WDR17: variants seen among roughly 807,000 people sequenced by gnomAD.
WDR17 encodes the protein WD repeat-containing protein 17.
Under a neutral mutation model 161.7 loss-of-function variants are expected in WDR17, and 143 were observed. The observed-to-expected ratio is 0.88, with a 90% CI of 0.77 to 1.02. The LOEUF is 1.02. Ranked by LOEUF, WDR17 falls within the 50% of genes least tolerant of loss-of-function variation. The pLI, the probability that WDR17 is intolerant of heterozygous loss-of-function variation, is 0.00. For synonymous variants in WDR17, 517 were observed against 515.6 expected (o/e 1.00, Z -0.04); for missense variants, 1,469 against 1,520.9 (o/e 0.97, Z 0.57).
rs995404149 is a variant in WDR17, at chr4:176,129,848, G to T, written c.913+988G>T. On this transcript the variant is annotated intron_variant, in intron 6 of 28. Coordinates refer to ENST00000508596, the MANE Select transcript of WDR17 (RefSeq NM_181265.4). ...GGACTAGAGAAGTAATATGCTGGAT[G>T]CTGGCTTACTGTTTAGGGATGTTGG... Among the ~76,000 whole-genome samples, 4 of 152,126 alleles carry T rather than the reference G, an allele frequency of 2.6e-5. No homozygotes were observed. The East Asian group carries it at 7.7e-4, about 29-fold the overall frequency.
intron 3 of WDR17, among the ~76,000 whole-genome samples, chr4:176,116,371 T>G (rs1441945311): frequency 6.6e-6 from 1 of 151,926 alleles, no homozygotes; most frequent in African/African-American, 2.4e-5. Context: ...TGCATATATT[T>G]GATGCATTGT....
At position 176,119,883 on chromosome 4, in the gene WDR17, T is replaced by G; in HGVS notation, c.324T>G (p.Leu108=). The G allele has an allele frequency of 6.2e-7, 1 of 1,614,114 alleles. No homozygotes were observed. Among genetic ancestry groups the G allele is most frequent in the East Asian group, 2.2e-5 (1 of 44,872 alleles). The change falls in exon 4 of 29, where the codon CTT becomes CTG. Residue 108 remains leucine (L), a synonymous_variant. Transcript: ENST00000508596. The part of the protein sequence containing the change: ...LDSTKGIPAS[L]SWCWNAEDVV... ...GTATTCCAGGGATCCCTGCTTCTCT[T>G]AGTTGGTGCTGGAATGCAGAGGATG...
chr4:176,123,617 A>G (rs1741948124), intron 4 of WDR17, among the ~76,000 whole-genome samples: 1 of 152,198 alleles, frequency 6.6e-6, no homozygotes, highest in South Asian at 2.1e-4. Flanking sequence ...GATACAAATG[A>G]AAAGATGAAA....
intron 3 of WDR17, among the ~76,000 whole-genome samples, chr4:176,119,644 T>A (rs1341496728): frequency 1.3e-5 from 2 of 152,156 alleles, no homozygotes; most frequent in Admixed American, 6.5e-5. Context: ...ATCATGTAAG[T>A]AGTATTTAAA....
chr4:176,109,533 G>C (rs990259735), intron 1 of WDR17, among the ~76,000 whole-genome samples: 2 of 152,142 alleles, frequency 1.3e-5, no homozygotes, highest in African/African-American at 4.8e-5. Flanking sequence ...CAGATAAGGG[G>C]ATTTAATGAG....
At chr4:176,139,834 ATAAG>A (rs1561164551) in intron 9 of WDR17, 54 bp from the exon 10 acceptor site, 1 of 1,370,748 alleles carries the variant, frequency 7.3e-7, no homozygotes, top group African/African-American at 1.5e-5. Flanking sequence ...AAGTAAATAT[ATAAG>A]AGAAAAAAGG....
At position 176,173,815 on chromosome 4, in the gene WDR17, G is replaced by T. The variant is rs947825149; in HGVS notation, c.3347+446G>T. Among the ~76,000 whole-genome samples, 3 of 151,244 alleles carry T rather than the reference G, an allele frequency of 2.0e-5. No homozygotes were observed. In the East Asian group the frequency reaches 5.8e-4, roughly 29 times the overall value. On this transcript the variant is annotated intron_variant, in intron 25 of 28. Coordinates refer to ENST00000508596, the MANE Select transcript of WDR17 (RefSeq NM_181265.4). ...CAGGCATGAGCCACTGCGCCTGGCC[G>T]TTTGTTATGTTTTTAAGAAAAAAAA...
chr4:176,073,249 C>G (rs1263342871), intron 1 of WDR17, among the ~76,000 whole-genome samples: 3 of 152,142 alleles, frequency 2.0e-5, no homozygotes, highest in Non-Finnish European at 4.4e-5. Context: ...TGCTTTCCCT[C>G]CCCTCTTCTC....
At chr4:176,074,177 A>G (rs1316143436) in intron 1 of WDR17, among the ~76,000 whole-genome samples, 1 of 151,484 alleles carries the variant, frequency 6.6e-6, no homozygotes, top group East Asian at 1.9e-4. Flanking sequence ...GTCCTTGCCC[A>G]TGCCTATGTC....
chr4:176,149,096 A>G (rs991407258), intron 13 of WDR17, among the ~76,000 whole-genome samples: 1 of 152,136 alleles, frequency 6.6e-6, no homozygotes, highest in African/African-American at 2.4e-5. Context: ...TTCATCTTTT[A>G]ACTAGAACGT....
intron 1 of WDR17, among the ~76,000 whole-genome samples, chr4:176,074,814 T>TTG (rs1362366949): frequency 4.8e-5 from 7 of 145,720 alleles, no homozygotes; most frequent in Non-Finnish European, 7.6e-5. Context: ...TTAATGCTTT[T>TTG]TTTTTTTTTT....
chr4:176,083,312 A>G (rs190481723), intron 1 of WDR17, among the ~76,000 whole-genome samples: 126 of 152,288 alleles, frequency 8.3e-4, no homozygotes, highest in Non-Finnish European at 1.6e-3. Flanking sequence ...ACACAAACAT[A>G]TCATTCAGAG....
chr4:176,172,489 C>G lies in WDR17; in HGVS notation c.3217C>G (p.Leu1073Val), dbSNP rs1220295252. 6.2e-7 allele frequency: 1 copy of G among 1,604,554 alleles called. No individual in the cohort carries two copies. Among genetic ancestry groups the G allele is most frequent in the East Asian group, 2.2e-5 (1 of 44,652 alleles). ...YLLSQEPEKA[L>V]PIGISFVKEY... Reference sequence around the variant, plus strand: ...GTTAAGTCAAGAACCTGAAAAAGCCCTTCCTATTGGTATTAGCTTTGTTAA... The same window carrying G: ...GTTAAGTCAAGAACCTGAAAAAGCCGTTCCTATTGGTATTAGCTTTGTTAA... The change falls in exon 24 of 29, where the codon CTT becomes GTT. Residue 1073 changes from leucine to valine, a missense_variant. By Grantham distance (32) the Leu-to-Val change is conservative. Coordinates refer to ENST00000508596, the MANE Select transcript of WDR17 (RefSeq NM_181265.4).
chr4:176,160,117 T>G lies in WDR17; in HGVS notation c.2649T>G (p.Leu883=). Residue 883 remains leucine (L), a synonymous_variant, in exon 19 of 29, where the codon CTT becomes CTG. Transcript: ENST00000508596. ...MSRGQLKEAL[L]VAQAACEGNM... The stretch of plus-strand genomic sequence containing the variant: ...GAGGTCAGCTTAAAGAAGCTCTGCT[T>G]GTTGCACAGGTAAAACCACAGAACT... The G allele has an allele frequency of 6.2e-7, 1 of 1,613,658 alleles. No individual in the cohort carries two copies. Among genetic ancestry groups the G allele is most frequent in the Non-Finnish European group, 8.5e-7 (1 of 1,179,702 alleles).
intron 17 of WDR17, among the ~76,000 whole-genome samples, chr4:176,154,447 C>T (rs1747738740): frequency 6.6e-6 from 1 of 152,032 alleles, no homozygotes; most frequent in Non-Finnish European, 1.5e-5. Context: ...TACCATTGCA[C>T]TCCAGCCTGG....
chr4:176,125,637 G>A (rs1028131114), intron 5 of WDR17, among the ~76,000 whole-genome samples: 8 of 152,172 alleles, frequency 5.3e-5, no homozygotes, highest in African/African-American at 7.2e-5. Flanking sequence ...GTCTGTGTAT[G>A]TGCAAAAGAC....
At chr4:176,176,207 AAG>A (rs139677320) in intron 26 of WDR17, among the ~76,000 whole-genome samples, 2,341 of 152,310 alleles carry the variant, frequency 0.015, 60 homozygotes, top group African/African-American at 0.054. Context: ...CAAAAAGAAA[AAG>A]AACGGTTTTT....
chr4:176,128,727 G>T lies in WDR17; in HGVS notation c.791-11G>T. 1 of 1,597,002 alleles carries T rather than the reference G, an allele frequency of 6.3e-7. No individual in the cohort carries two copies. The highest frequency in any genetic ancestry group is 1.2e-5 in the South Asian group (1 of 86,404). Reference sequence around the variant, plus strand: ...ACTTGTTAAAATGTGCTTTTTCCCTGATCTGACTAGATTCTCAAGTGGGTG... The same window carrying T: ...ACTTGTTAAAATGTGCTTTTTCCCTTATCTGACTAGATTCTCAAGTGGGTG... On this transcript the variant is annotated splice_polypyrimidine_tract_variant and intron_variant, in intron 5 of 28. Coordinates refer to ENST00000508596, the MANE Select transcript of WDR17 (RefSeq NM_181265.4).
intron 7 of WDR17, among the ~76,000 whole-genome samples, chr4:176,133,184 A>ATTT (rs1313121933): frequency 0.012 from 916 of 75,734 alleles, 20 homozygotes; most frequent in African/African-American, 0.044. Context: ...TTTTATTTTT[A>ATTT]TTTTTTTTTT....
Sources: gnomAD v4.1 joint callset for allele counts (sites outside exome capture counted in the v4.1 genomes callset) on GRCh38, gnomAD v4.1.1 for gene constraint, MANE v1.5 for transcripts, NCBI Gene and HGNC (gene_info 2026-07-23, HGNC 2026-07-21) for gene names.